EPHX4: variants seen among roughly 807,000 people sequenced by gnomAD.
The protein encoded by EPHX4 is epoxide hydrolase 4.
EPHX4 carries 31 observed loss-of-function variants against 44.9 expected under a neutral mutation model. The observed-to-expected ratio is 0.69, with a 90% CI of 0.52 to 0.93. The LOEUF (loss-of-function observed/expected upper bound fraction) is 0.93, where lower values mean the gene tolerates loss of function less well. Among genes scored for constraint, EPHX4 ranks in the 40% least tolerant of loss-of-function variants. EPHX4 has a pLI of 0.00. For synonymous variants in EPHX4, 151 were observed against 159.7 expected (o/e 0.95, Z 0.41); for missense variants, 373 against 438.1 (o/e 0.85, Z 1.33).
At chr1:92,057,244 CA>C (rs1647387916) in intron 6 of EPHX4, among the ~76,000 whole-genome samples, 1 of 151,164 alleles carries the variant, frequency 6.6e-6, no homozygotes. Flanking sequence ...GTGGCAAAAC[CA>C]AAAACTGATT....
At chr1:92,034,901 C>T (rs1688414704) in intron 2 of EPHX4, among the ~76,000 whole-genome samples, 1 of 152,120 alleles carries the variant, frequency 6.6e-6, no homozygotes, top group African/African-American at 2.4e-5. Flanking sequence ...CCTTCAGCCT[C>T]TCAAAATGTT....
intron 3 of EPHX4, 113 bp downstream of exon 3, chr1:92,043,093 G>A (rs1036966418): frequency 5.8e-6 from 5 of 856,530 alleles, no homozygotes; most frequent in South Asian, 2.0e-5. Context: ...CAAATTATCT[G>A]GATCCTGTCA....
chr1:92,047,373 G>A (rs1357160003), intron 4 of EPHX4, among the ~76,000 whole-genome samples: 1 of 151,120 alleles, frequency 6.6e-6, no homozygotes, highest in Non-Finnish European at 1.5e-5. Context: ...TGTGCCAGCT[G>A]AGGGTGGCAA....
At chr1:92,044,954 C>A (rs1329566136) in intron 3 of EPHX4, among the ~76,000 whole-genome samples, 1 of 151,966 alleles carries the variant, frequency 6.6e-6, no homozygotes, top group Non-Finnish European at 1.5e-5. Flanking sequence ...TTGTACCCCC[C>A]CACACTTTTT....
In EPHX4 at chr1:92,030,198, T is replaced by C. The variant is rs1370542281; in HGVS notation, c.119T>C (p.Leu40Ser). 1.2e-6 allele frequency: 2 copies of C among 1,610,156 alleles called. No homozygotes were observed. The highest frequency in any genetic ancestry group is 8.5e-7 in the Non-Finnish European group (1 of 1,178,326). ...GCCTCCATCCACCTGCTCAAACTTT[T>C]GTGGAGCCTCGGCAAGGGGCCGGCG... ...LCASIHLLKL[L>S]WSLGKGPAQT... The change falls in exon 1 of 7, where the codon TTG becomes TCG. Residue 40 changes from leucine (L) to serine (S), a missense_variant. By Grantham distance (145) the Leu-to-Ser change is moderately radical. Coordinates refer to ENST00000370383, the MANE Select transcript of EPHX4 (RefSeq NM_173567.5).
At chr1:92,042,777 T>C (rs534321613) in intron 2 of EPHX4, 46 bp from the exon 3 acceptor site, 11 of 1,500,852 alleles carry the variant, frequency 7.3e-6, no homozygotes, top group Non-Finnish European at 9.9e-6. Flanking sequence ...TGTTACTGTT[T>C]GTACTAGCTA....
rs540280120 is a variant in EPHX4 at position 92,055,156 on chromosome 1, A to G, written c.857+2498A>G. ...GAAAAAGAAGCAAAGCAGGGTAAAT[A>G]GAAAGCACAAACTAAAATGACAAAA... On this transcript the variant is annotated intron_variant, in intron 6 of 6. Coordinates refer to ENST00000370383, the MANE Select transcript of EPHX4 (RefSeq NM_173567.5). Among the ~76,000 whole-genome samples, 4 of 152,306 alleles carry G rather than the reference A, an allele frequency of 2.6e-5. No individual in the cohort carries two copies. In the East Asian group the frequency reaches 7.7e-4, roughly 29 times the overall value.
intron 2 of EPHX4, among the ~76,000 whole-genome samples, chr1:92,033,757 T>C (rs1400589119): frequency 6.6e-6 from 1 of 152,130 alleles, no homozygotes; most frequent in Non-Finnish European, 1.5e-5. Context: ...TTTCTCACCG[T>C]TCTGGAGACT....
intron 6 of EPHX4, among the ~76,000 whole-genome samples, chr1:92,055,238 C>T (rs1202405901): frequency 6.6e-6 from 1 of 152,080 alleles, no homozygotes; most frequent in Non-Finnish European, 1.5e-5. Context: ...TTGCCAGTTA[C>T]AAAACAGAGA....
intron 2 of EPHX4, among the ~76,000 whole-genome samples, chr1:92,042,483 G>T (rs1688521532): frequency 6.6e-6 from 1 of 152,054 alleles, no homozygotes; most frequent in African/African-American, 2.4e-5. Context: ...CAGCACTTTG[G>T]GAGGCTAAGG....
chr1:92,030,352 G>T, intron 1 of EPHX4, 42 bp downstream of exon 1: 1 of 1,445,730 alleles, frequency 6.9e-7, no homozygotes, highest in South Asian at 1.4e-5. Context: ...GAGGGAGCGT[G>T]ACCGCCGCGA....
rs544980335 is a variant in EPHX4, at chr1:92,050,076, G to A, written c.605-241G>A. ...ATCGCGCCATTGCACTCCAGCCTGG[G>A]CAACAGAGCAAGACTCTGTCTCAAA... On this transcript the variant is annotated intron_variant, in intron 4 of 6. Transcript: ENST00000370383. Among the ~76,000 whole-genome samples the A allele has an allele frequency of 1.6e-4, 25 of 151,920 alleles. No individual in the cohort carries two copies. In the South Asian group the frequency reaches 5.2e-3, roughly 32 times the overall value.
At chr1:92,046,934 C>G (rs1327317194) in intron 4 of EPHX4, among the ~76,000 whole-genome samples, 2 of 152,174 alleles carry the variant, frequency 1.3e-5, no homozygotes, top group African/African-American at 4.8e-5. Flanking sequence ...TTATGCAGAT[C>G]TTCCATAAGT....
intron 4 of EPHX4, among the ~76,000 whole-genome samples, chr1:92,049,155 C>T (rs890875771): frequency 6.6e-5 from 10 of 152,054 alleles, no homozygotes; most frequent in Non-Finnish European, 5.9e-5. Context: ...CTTTCTGACT[C>T]ATCATATACC....
chr1:92,052,614 T>G lies in EPHX4; in HGVS notation c.813T>G (p.Pro271=), dbSNP rs1334281837. ...CTTATATTTATGTCTTTTCTCAGCC[T>G]GGAGCATTAAGTGGCCCAATTAACC... ...LEAYIYVFSQ[P]GALSGPINHY... The change falls in exon 6 of 7, where the codon CCT becomes CCG. Residue 271 remains proline (P), a synonymous_variant. Transcript: ENST00000370383. The G allele has an allele frequency of 1.2e-6, 2 of 1,612,576 alleles. No homozygotes were observed. The highest frequency in any genetic ancestry group is 1.7e-6 in the Non-Finnish European group (2 of 1,179,542).
intron 2 of EPHX4, among the ~76,000 whole-genome samples, chr1:92,034,742 A>T (rs1192663480): frequency 1.3e-5 from 2 of 151,522 alleles, no homozygotes; most frequent in African/African-American, 4.9e-5. Context: ...CCTGGGTTCA[A>T]GTGATTCTCC....
rs1688469250 is a variant in EPHX4, at chr1:92,038,373, T to C, written c.318-4450T>C. On this transcript the variant is annotated intron_variant, in intron 2 of 6. Coordinates refer to ENST00000370383, the MANE Select transcript of EPHX4 (RefSeq NM_173567.5). ...AATAGGAATTTGGGACCGTTAGCTGTCATTGTCTCAAGGTTTGAACTGGGA... is the reference window on the plus strand; with the variant it reads ...AATAGGAATTTGGGACCGTTAGCTGCCATTGTCTCAAGGTTTGAACTGGGA... Among the ~76,000 whole-genome samples, 4 of 152,342 alleles carry C rather than the reference T, an allele frequency of 2.6e-5. No homozygotes were observed. In the South Asian group the frequency reaches 8.3e-4, roughly 32 times the overall value.
intron 4 of EPHX4, among the ~76,000 whole-genome samples, chr1:92,049,457 C>T (rs1647206819): frequency 1.3e-5 from 2 of 152,114 alleles, no homozygotes; most frequent in South Asian, 4.1e-4. Flanking sequence ...AGCATTTGGA[C>T]TTATTTATTG....
chr1:92,043,059 G>C (rs1688532459), intron 3 of EPHX4, 79 bp downstream of exon 3: 1 of 1,211,704 alleles, frequency 8.3e-7, no homozygotes, highest in Non-Finnish European at 1.1e-6. Flanking sequence ...TTCTTTTCTT[G>C]GGAGGATGCA....
Sources: gnomAD v4.1 joint callset for allele counts (sites outside exome capture counted in the v4.1 genomes callset) on GRCh38, gnomAD v4.1.1 for gene constraint, MANE v1.5 for transcripts, NCBI Gene and HGNC (gene_info 2026-07-23, HGNC 2026-07-21) for gene names.